The following MYO3A variants were observed in gnomAD, a reference collection of about 807,000 sequenced individuals.
The protein encoded by MYO3A is myosin IIIA.
MYO3A carries 180 observed loss-of-function variants against 192.7 expected under a neutral mutation model. The observed-to-expected ratio is 0.93, with a 90% CI of 0.83 to 1.06. The LOEUF is 1.06. Ranked by LOEUF, MYO3A falls within the 50% of genes least tolerant of loss-of-function variation. The pLI is 0.00. For missense variants in MYO3A, 1,896 were observed against 1,905.0 expected (o/e 1.00, Z 0.09); for synonymous variants, 628 against 645.3 (o/e 0.97, Z 0.41).
At chr10:25,970,227 T>A (rs1838539741) in intron 4 of MYO3A, among the ~76,000 whole-genome samples, 1 of 151,120 alleles carries the variant, frequency 6.6e-6, no homozygotes, top group African/African-American at 2.4e-5. Context: ...TTTAAAAGAG[T>A]CAAAATCATA....
chr10:26,118,211 T>A (rs1838637639), intron 17 of MYO3A, among the ~76,000 whole-genome samples: 1 of 152,096 alleles, frequency 6.6e-6, no homozygotes, highest in Non-Finnish European at 1.5e-5. Flanking sequence ...AGGCCTATAG[T>A]TTCCTCAAGA....
At chr10:26,002,681 G>GGTAATCAGAATGAGTCAGGGTGGAGCAA (rs1840913582) in intron 6 of MYO3A, among the ~76,000 whole-genome samples, 1 of 152,154 alleles carries the variant, frequency 6.6e-6, no homozygotes, top group African/African-American at 2.4e-5. Context: ...GGGTGGAGCA[G>GGTAATCAGAATGAGTCAGGGTGGAGCAA]GTGATTGAAA....
intron 4 of MYO3A, among the ~76,000 whole-genome samples, chr10:25,972,427 A>G (rs1254825413): frequency 6.6e-6 from 1 of 152,110 alleles, no homozygotes; most frequent in African/African-American, 2.4e-5. Context: ...ACTAAGTCCA[A>G]TGACTGGGCC....
At chr10:26,078,854 T>G (rs143148600) in intron 14 of MYO3A, among the ~76,000 whole-genome samples, 3 of 152,194 alleles carry the variant, frequency 2.0e-5, no homozygotes, top group African/African-American at 7.2e-5. Context: ...GTTTTATTCC[T>G]TCTGGTCTGA....
intron 2 of MYO3A, among the ~76,000 whole-genome samples, chr10:25,949,698 A>G (rs1201669749): frequency 1.3e-5 from 2 of 152,166 alleles, no homozygotes; most frequent in African/African-American, 4.8e-5. Context: ...CGTAAGTATA[A>G]TGAATCAGAA....
chr10:26,092,475 AG>A (rs934070619), intron 15 of MYO3A, among the ~76,000 whole-genome samples: 153 of 151,774 alleles, frequency 1.0e-3, no homozygotes, highest in African/African-American at 1.8e-3. Flanking sequence ...CAAAAAAAAA[AG>A]AATGCAAACC....
At chr10:26,041,523 C>T (rs975081817) in intron 10 of MYO3A, among the ~76,000 whole-genome samples, 4 of 151,744 alleles carry the variant, frequency 2.6e-5, no homozygotes, top group African/African-American at 9.7e-5. Flanking sequence ...TTCTTCTCTT[C>T]CTTTTAGTGA....
At chr10:26,069,122 A>T (rs1835036194) in intron 12 of MYO3A, among the ~76,000 whole-genome samples, 1 of 152,062 alleles carries the variant, frequency 6.6e-6, no homozygotes, top group Non-Finnish European at 1.5e-5. Context: ...AGTTATTGGT[A>T]ACGGCTCTAC....
chr10:25,978,188 T>C (rs1372310263), intron 4 of MYO3A, among the ~76,000 whole-genome samples: 1 of 152,230 alleles, frequency 6.6e-6, no homozygotes, highest in Middle Eastern at 3.2e-3. Context: ...TTTGTTTTTA[T>C]TGAAGTGTCT....
intron 10 of MYO3A, among the ~76,000 whole-genome samples, chr10:26,043,377 A>G (rs1397886047): frequency 1.3e-5 from 2 of 151,338 alleles, no homozygotes; most frequent in African/African-American, 4.9e-5. Flanking sequence ...GCCAGCCAGG[A>G]TTATGTCCTT....
At chr10:26,003,799 A>G (rs1841004566) in intron 6 of MYO3A, among the ~76,000 whole-genome samples, 1 of 152,206 alleles carries the variant, frequency 6.6e-6, no homozygotes, top group Non-Finnish European at 1.5e-5. Flanking sequence ...TAACATTTCA[A>G]TACAAAAGTA....
At position 26,083,127 on chromosome 10, in the gene MYO3A, G is replaced by A. The variant is rs533968217; in HGVS notation, c.1360-5076G>A. On this transcript the variant is annotated intron_variant, in intron 14 of 34. Transcript: ENST00000642920. ...AATATGGTTTCTCTTTGTTGTATTC[G>A]AATTGTCAGCATGACTACTCTTGTG... Among the ~76,000 whole-genome samples, 119 of 151,968 alleles carry A rather than the reference G, an allele frequency of 7.8e-4. 3 individuals carry two copies. The highest frequency in any genetic ancestry group is 1.7e-3 in the South Asian group (8 of 4,812).
intron 31 of MYO3A, among the ~76,000 whole-genome samples, chr10:26,187,980 G>A (rs967231774): frequency 4.6e-5 from 7 of 152,136 alleles, no homozygotes; most frequent in African/African-American, 7.2e-5. Context: ...ATAGCAGCAT[G>A]ATTTATAATC....
intron 31 of MYO3A, among the ~76,000 whole-genome samples, chr10:26,192,146 T>G (rs1205184776): frequency 6.6e-6 from 1 of 152,218 alleles, no homozygotes; most frequent in Non-Finnish European, 1.5e-5. Context: ...AAGCCACTTG[T>G]AATGAACATG....
At chr10:26,135,333 T>C (rs1304093832) in intron 20 of MYO3A, among the ~76,000 whole-genome samples, 1 of 151,838 alleles carries the variant, frequency 6.6e-6, no homozygotes, top group Non-Finnish European at 1.5e-5. Context: ...AATAATCTAT[T>C]AGATTATTAG....
At chr10:25,961,162 A>G (rs1837905494) in intron 4 of MYO3A, among the ~76,000 whole-genome samples, 1 of 152,138 alleles carries the variant, frequency 6.6e-6, no homozygotes, top group African/African-American at 2.4e-5. Context: ...TCTTCCATGT[A>G]TAGAATCATT....
At chr10:25,981,896 A>G (rs1213568827) in intron 4 of MYO3A, among the ~76,000 whole-genome samples, 2 of 152,190 alleles carry the variant, frequency 1.3e-5, no homozygotes, top group African/African-American at 4.8e-5. Flanking sequence ...AATCTGAGAC[A>G]TTTTGAAGGA....
chr10:26,200,510 T>A (rs1843633458), intron 32 of MYO3A, among the ~76,000 whole-genome samples: 1 of 152,174 alleles, frequency 6.6e-6, no homozygotes, highest in Non-Finnish European at 1.5e-5. Flanking sequence ...TCAAATGTAT[T>A]GAAGTAGCAC....
In MYO3A at chr10:26,134,650, T is replaced by C. The variant is rs554771626; in HGVS notation, c.2262+6112T>C. Among the ~76,000 whole-genome samples, 6 of 152,296 alleles carry C rather than the reference T, an allele frequency of 3.9e-5. No individual in the cohort carries two copies. The East Asian group carries it at 1.2e-3, about 29-fold the overall frequency. On this transcript the variant is annotated intron_variant, in intron 20 of 34. Coordinates refer to ENST00000642920, the MANE Select transcript of MYO3A (RefSeq NM_017433.5). The stretch of plus-strand genomic sequence containing the variant: ...CTTGAAATTTTCTGTAAGTTTTAAA[T>C]TATTTCAAAATGAAAAGTGGCAAAA...
Sources: allele counts gnomAD v4.1 joint callset (sites outside exome capture counted in the v4.1 genomes callset), GRCh38; gene constraint gnomAD v4.1.1; transcripts MANE v1.5; gene names NCBI Gene and HGNC (gene_info 2026-07-23, HGNC 2026-07-21).